Variants in HSPA14 observed in about 807,000 individuals in gnomAD.
The protein encoded by HSPA14 is heat shock 70 kDa protein 14.
Under a neutral mutation model 65.5 loss-of-function variants are expected in HSPA14, and 37 were observed. That is an observed-to-expected ratio of 0.56 (90% confidence interval 0.43 to 0.74). The LOEUF (loss-of-function observed/expected upper bound fraction) is 0.74, where lower values mean the gene tolerates loss of function less well. HSPA14 is among the 30% of genes least tolerant of loss of function. The pLI is 0.00. For missense variants in HSPA14, 564 were observed against 607.6 expected (o/e 0.93, Z 0.75); for synonymous variants, 203 against 214.2 (o/e 0.95, Z 0.46).
intron 5 of HSPA14, 98 bp downstream of exon 5, chr10:14,848,993 A>G: frequency 1.5e-6 from 1 of 653,206 alleles, no homozygotes; most frequent in Non-Finnish European, 2.7e-6. Context: ...TGGGAGAAGC[A>G]GAGTGATTGC....
intron 10 of HSPA14, among the ~76,000 whole-genome samples, chr10:14,856,560 CTT>C (rs1832698748): frequency 6.6e-6 from 1 of 152,062 alleles, no homozygotes; most frequent in African/African-American, 2.4e-5. Flanking sequence ...TGAACATACT[CTT>C]TTTATACATT....
intron 13 of HSPA14, among the ~76,000 whole-genome samples, 199 bp downstream of exon 13, chr10:14,870,866 T>G (rs1002412744): frequency 1.3e-5 from 2 of 152,174 alleles, no homozygotes; most frequent in African/African-American, 4.8e-5. Context: ...ATTTGCATCT[T>G]GAATATTTTA....
At chr10:14,843,684 A>G (rs1050922377) in intron 3 of HSPA14, 1 of 1,544,466 alleles carries the variant, frequency 6.5e-7, no homozygotes, top group African/African-American at 1.4e-5. Flanking sequence ...GATTGGCACG[A>G]GAACTCTCAA....
At chr10:14,838,494 A>G in intron 1 of HSPA14, 35 bp downstream of exon 1, 8 of 1,562,086 alleles carry the variant, frequency 5.1e-6, no homozygotes, top group Non-Finnish European at 6.9e-6. Context: ...GGGCTTCATG[A>G]CGGCCACCCG....
In HSPA14 at chr10:14,842,631, C is replaced by A. The variant is rs768076075; in HGVS notation, c.221+2474C>A. The A allele has an allele frequency of 4.8e-5, 73 of 1,536,074 alleles. No homozygotes were observed. Among genetic ancestry groups the A allele is most frequent in the Non-Finnish European group, 6.2e-5 (71 of 1,146,944 alleles). ...CCAGACAACTTAATGGAGGATGCTGCTTGGGCCAAGCACTGTGATCAGAAC... is the reference window on the plus strand; with the variant it reads ...CCAGACAACTTAATGGAGGATGCTGATTGGGCCAAGCACTGTGATCAGAAC... On this transcript the variant is annotated intron_variant, in intron 3 of 13. Coordinates refer to ENST00000378372, the MANE Select transcript of HSPA14 (RefSeq NM_016299.4). The surrounding 1 kb of genome is among the most constrained non-coding windows in gnomAD (Gnocchi z 5.2).
intron 12 of HSPA14, among the ~76,000 whole-genome samples, chr10:14,869,855 C>G (rs1832839559): frequency 1.3e-5 from 2 of 152,226 alleles, no homozygotes; most frequent in South Asian, 4.1e-4. Flanking sequence ...GACTCCATAG[C>G]TGCTGCCACT....
At chr10:14,859,083 T>G (rs991205405) in intron 10 of HSPA14, among the ~76,000 whole-genome samples, 2 of 152,178 alleles carry the variant, frequency 1.3e-5, no homozygotes. Context: ...GTTCCTACTC[T>G]TGAATGTGCA....
intron 10 of HSPA14, among the ~76,000 whole-genome samples, chr10:14,858,949 G>A (rs893234993): frequency 5.9e-5 from 9 of 152,120 alleles, no homozygotes; most frequent in Non-Finnish European, 1.0e-4. Flanking sequence ...GCTTGTGACC[G>A]TTGCCTTCTC....
intron 5 of HSPA14, 39 bp from the exon 6 acceptor site, chr10:14,849,682 T>G: frequency 7.1e-7 from 1 of 1,406,126 alleles, no homozygotes; most frequent in Non-Finnish European, 9.9e-7. Flanking sequence ...ACTTGTCATT[T>G]TCTTCTGTCA....
intron 3 of HSPA14, chr10:14,843,749 C>T (rs2131636822): frequency 1.3e-6 from 2 of 1,536,590 alleles, no homozygotes; most frequent in East Asian, 4.9e-5. Flanking sequence ...GAGGCCAGTG[C>T]TCAGCAAGAT....
In HSPA14 at chr10:14,863,425, G is replaced by A. The variant is rs781656234; in HGVS notation, c.994-3658G>A. ...TGAGGAGCTGTCAGTGGCCTCTTCA[G>A]GACCACTGATTATCAGTAGGTCCCA... On this transcript the variant is annotated intron_variant, in intron 10 of 13. Coordinates refer to ENST00000378372, the MANE Select transcript of HSPA14 (RefSeq NM_016299.4). 6.1e-4 allele frequency among the ~76,000 whole-genome samples: 93 copies of A among 152,110 alleles called. 1 individual carries two copies. The highest frequency in any genetic ancestry group is 1.9e-4 in the Non-Finnish European group (13 of 68,038).
chr10:14,867,868 G>C lies in HSPA14; in HGVS notation c.1339G>C (p.Asp447His), dbSNP rs1305107822. 1 of 1,614,048 alleles carries C rather than the reference G, an allele frequency of 6.2e-7. No homozygotes were observed. Among genetic ancestry groups the C allele is most frequent in the South Asian group, 1.1e-5 (1 of 91,044 alleles). ...SSVCLELYES[D>H]GKNSAKEETK... ...AGTGTGCCTTGAACTCTATGAGTCT[G>C]ATGGGAAGAACTCTGCCAAAGAGGA... The change falls in exon 12 of 14, where the codon GAT (aspartate) becomes CAT (histidine). Residue 447 changes from aspartate (D) to histidine (H), a missense_variant. Asp to His is a moderately conservative substitution (Grantham distance 81). Transcript: ENST00000378372.
chr10:14,855,673 C>T (rs376562409), intron 9 of HSPA14, among the ~76,000 whole-genome samples, 168 bp from the exon 10 acceptor site: 1 of 152,116 alleles, frequency 6.6e-6, no homozygotes, highest in Admixed American at 6.6e-5. Flanking sequence ...TTACTTAATA[C>T]CTTATTCTTA....
At position 14,870,703 on chromosome 10, in the gene HSPA14, A is replaced by G. The variant is rs45547440; in HGVS notation, c.1451+36A>G. On this transcript the variant is annotated intron_variant, in intron 13 of 13. Transcript: ENST00000378372. ...AAACTTCTGTTGTTAAGAAAATTCA[A>G]TTTGATACTTGACCATTTTTTGAGT... 3.0e-4 allele frequency: 443 copies of G among 1,488,722 alleles called. 2 individuals carry two copies. The highest frequency in any genetic ancestry group is 9.9e-5 in the African/African-American group (7 of 70,466). 92.2% of individuals were successfully genotyped at this position (1,488,722 alleles called of 1,614,324 possible). A position where few individuals can be genotyped will look rare whatever the true frequency, so the allele number is the denominator to read the frequency against.
chr10:14,847,929 C>T (rs1834074644), intron 3 of HSPA14, among the ~76,000 whole-genome samples: 1 of 152,156 alleles, frequency 6.6e-6, no homozygotes, highest in Non-Finnish European at 1.5e-5. Flanking sequence ...AAGACCTAGG[C>T]TCACGTACTG....
intron 8 of HSPA14, 56 bp from the exon 9 acceptor site, chr10:14,854,069 C>T (rs954166152): frequency 6.9e-7 from 1 of 1,441,576 alleles, no homozygotes; most frequent in Non-Finnish European, 9.4e-7. Context: ...ATCTTAGTTA[C>T]AATATTGTAA....
intron 3 of HSPA14, among the ~76,000 whole-genome samples, chr10:14,841,953 T>C (rs1833979194): frequency 6.6e-6 from 1 of 152,252 alleles, no homozygotes; most frequent in African/African-American, 2.4e-5. Flanking sequence ...TTTGGCCTTT[T>C]TGTTACCAAG....
rs990171886 is a variant in HSPA14 at position 14,865,251 on chromosome 10, A to T, written c.994-1832A>T. Among the ~76,000 whole-genome samples, 6 of 151,628 alleles carry T rather than the reference A, an allele frequency of 4.0e-5. No individual in the cohort carries two copies. The East Asian group carries it at 1.2e-3, about 29-fold the overall frequency. The stretch of plus-strand genomic sequence containing the variant: ...TTTGTCAGATGAGTAGATTGCAAAA[A>T]TTTTCTCCCATTCTGTAGGTTGCCT... On this transcript the variant is annotated intron_variant, in intron 10 of 13. Coordinates refer to ENST00000378372, the MANE Select transcript of HSPA14 (RefSeq NM_016299.4).
At chr10:14,844,658 A>G (rs1010038864) in intron 3 of HSPA14, 6 of 982,018 alleles carry the variant, frequency 6.1e-6, no homozygotes, top group Non-Finnish European at 6.0e-6. Context: ...GGGAGCCGCC[A>G]TTGTGTGTTA....
Sources: gnomAD v4.1 joint callset for allele counts (sites outside exome capture counted in the v4.1 genomes callset) on GRCh38, gnomAD v4.1.1 for gene constraint, Gnocchi (gnomAD v3.1) non-coding constraint, MANE v1.5 for transcripts, NCBI Gene and HGNC (gene_info 2026-07-23, HGNC 2026-07-21) for gene names.